GLI2: variants seen among roughly 807,000 people sequenced by gnomAD.
The protein encoded by GLI2 is transcription activator GLI2.
A neutral mutation model predicts 78.9 loss-of-function variants in GLI2; 22 were observed. The observed-to-expected ratio is 0.28, with a 90% CI of 0.20 to 0.40. The LOEUF (loss-of-function observed/expected upper bound fraction) is 0.40. Among genes scored for constraint, GLI2 ranks in the 10% least tolerant of loss-of-function variants. GLI2 has a pLI of 1.00. For missense variants in GLI2, 2,097 were observed against 2,213.2 expected (o/e 0.95, Z 1.05); for synonymous variants, 974 against 963.7 (o/e 1.01, Z -0.20).
At chr2:120,906,637 G>A (rs1008414692) in intron 2 of GLI2, among the ~76,000 whole-genome samples, 13 of 151,814 alleles carry the variant, frequency 8.6e-5, no homozygotes, top group Non-Finnish European at 1.9e-4. Context: ...TGAGCCCCCA[G>A]CTCTGGCCTC....
At chr2:120,782,197 A>C (rs1683869064) in intron 1 of GLI2, among the ~76,000 whole-genome samples, 1 of 152,174 alleles carries the variant, frequency 6.6e-6, no homozygotes. Context: ...TAATGGGTGT[A>C]CTTAACCCTG....
At chr2:120,801,290 C>G (rs1285489894) in intron 2 of GLI2, among the ~76,000 whole-genome samples, 1 of 152,126 alleles carries the variant, frequency 6.6e-6, no homozygotes, top group East Asian at 1.9e-4. Flanking sequence ...AGGTGCCCAC[C>G]ACCATGCCCG....
intron 2 of GLI2, among the ~76,000 whole-genome samples, chr2:120,849,171 G>A (rs542992303): frequency 6.6e-4 from 100 of 152,270 alleles, no homozygotes; most frequent in African/African-American, 2.3e-3. Flanking sequence ...AGCTGTCAGC[G>A]GCTGGGGAAG....
At chr2:120,784,817 G>A (rs980641413) in intron 1 of GLI2, among the ~76,000 whole-genome samples, 2 of 152,136 alleles carry the variant, frequency 1.3e-5, no homozygotes, top group Non-Finnish European at 2.9e-5. Flanking sequence ...TAGCAAGACT[G>A]GTAGCCCCCC....
In GLI2 at chr2:120,950,973, G is replaced by A. The variant is rs115729947; in HGVS notation, c.255-270G>A. ...TGCGTGTGCTCCAGCAAGTCCAGTCGCGGGTGCGAGGTCCATTCTCCAGCG... is the reference window on the plus strand; with the variant it reads ...TGCGTGTGCTCCAGCAAGTCCAGTCACGGGTGCGAGGTCCATTCTCCAGCG... On this transcript the variant is annotated intron_variant, in intron 3 of 13. Coordinates refer to ENST00000361492, the MANE Select transcript of GLI2 (RefSeq NM_001374353.1). Among the ~76,000 whole-genome samples, 1,110 of 152,354 alleles carry A rather than the reference G, an allele frequency of 7.3e-3. 15 individuals carry two copies. Among genetic ancestry groups the A allele is most frequent in the African/African-American group, 0.026 (1,066 of 41,578 alleles).
Position 120,968,902 on chromosome 2 carries a change from G to A in GLI2, c.832G>A (p.Ala278Thr). ...AASGSYGHLS[A>T]GALSPAFTFP... ...CAGCGGTTCCTACGGGCATCTGTCA[G>A]CGGGTGCCCTCAGGTGAGCCCCGCC... is the stretch of plus-strand genomic sequence containing the variant. Residue 278 changes from alanine to threonine, a missense_variant, in exon 6 of 14, where the codon GCG becomes ACG. By Grantham distance (58) the Ala-to-Thr change is moderately conservative. Coordinates refer to ENST00000361492, the MANE Select transcript of GLI2 (RefSeq NM_001374353.1). 6.2e-7 allele frequency: 1 copy of A among 1,611,642 alleles called. No homozygotes were observed. The highest frequency in any genetic ancestry group is 8.5e-7 in the Non-Finnish European group (1 of 1,179,446).
In GLI2 at chr2:120,855,204, G is replaced by A. The variant is rs113091217; in HGVS notation, c.148+57736G>A. The stretch of plus-strand genomic sequence containing the variant: ...GAGGCTACAGGAAGGAGTTTGTGCA[G>A]ACAGCTCCTATGAGAAAATGGTCCC... On this transcript the variant is annotated intron_variant, in intron 2 of 13. Coordinates refer to ENST00000361492, the MANE Select transcript of GLI2 (RefSeq NM_001374353.1). Among the ~76,000 whole-genome samples the A allele has an allele frequency of 3.9e-3, 591 of 152,352 alleles. 8 individuals are homozygous for A. The highest frequency in any genetic ancestry group is 0.013 in the African/African-American group (558 of 41,582).
chr2:120,747,548 C>T (rs1442412671), intron 1 of GLI2, among the ~76,000 whole-genome samples: 1 of 152,172 alleles, frequency 6.6e-6, no homozygotes, highest in Non-Finnish European at 1.5e-5. Flanking sequence ...CTCCAGGGGG[C>T]ATTTGACCTG....
intron 2 of GLI2, among the ~76,000 whole-genome samples, chr2:120,819,875 T>C (rs964540538): frequency 9.2e-5 from 14 of 152,112 alleles, no homozygotes; most frequent in Non-Finnish European, 5.9e-5. Context: ...ATCCTGCTGC[T>C]GGGGGAAGAG....
rs768387647 is a variant in GLI2 at position 120,990,026 on chromosome 2, C to T, written c.4061C>T (p.Pro1354Leu). 1.2e-5 allele frequency: 20 copies of T among 1,606,508 alleles called. No individual in the cohort carries two copies. The highest frequency in any genetic ancestry group is 1.6e-5 in the Non-Finnish European group (19 of 1,176,256). The change falls in exon 14 of 14, where the codon CCC becomes CTC. Residue 1354 changes from proline (P) to leucine (L), a missense_variant. By Grantham distance (98) the Pro-to-Leu change is moderately conservative. Transcript: ENST00000361492. ...VATAGFGLVQ[P>L]RPPLEPSPTG... Reference sequence around the variant, plus strand: ...ACAGCAGGCTTTGGCCTAGTGCAGCCCCGGCCTCCCCTCGAGCCCAGCCCC... The same window carrying T: ...ACAGCAGGCTTTGGCCTAGTGCAGCTCCGGCCTCCCCTCGAGCCCAGCCCC...
In GLI2 at chr2:120,917,764, G is replaced by A. The variant is rs1573596839; in HGVS notation, c.149-9597G>A. On this transcript the variant is annotated intron_variant, in intron 2 of 13. Coordinates refer to ENST00000361492, the MANE Select transcript of GLI2 (RefSeq NM_001374353.1). ...TGCAGCCATGGGATATGTGGCTGAT[G>A]CAGACAAGGAGAGTGGGAGCCCTCC... Among the ~76,000 whole-genome samples, 3 of 152,366 alleles carry A rather than the reference G, an allele frequency of 2.0e-5. No individual in the cohort carries two copies. The South Asian group carries it at 6.2e-4, about 32-fold the overall frequency.
rs1553480343 is a variant in GLI2 at position 120,992,048 on chromosome 2, A to ACACACACACC, written c.*1376_*1377insACACACCCAC. The ACACACACACC allele has an allele frequency of 1.4e-5, 2 of 147,514 alleles. No individual in the cohort carries two copies. The highest frequency in any genetic ancestry group is 3.0e-5 in the Non-Finnish European group (2 of 67,486). 9.1% of individuals were successfully genotyped at this position (147,514 alleles called of 1,614,324 possible). A position where few individuals can be genotyped will look rare whatever the true frequency, so the allele number is the denominator to read the frequency against. ...CACACACACACACACACACACACACACACCCCAAACCTTTTCATGGGGAAT... is the reference window on the plus strand; with the variant it reads ...CACACACACACACACACACACACACACACACACACCCACCCCAAACCTTTTCATGGGGAAT... On this transcript the variant is annotated 3_prime_UTR_variant, in exon 14 of 14. Coordinates refer to ENST00000361492, the MANE Select transcript of GLI2 (RefSeq NM_001374353.1).
At chr2:120,763,948 G>A in intron 1 of GLI2, among the ~76,000 whole-genome samples, 1 of 152,260 alleles carries the variant, frequency 6.6e-6, no homozygotes, top group East Asian at 1.9e-4. Context: ...GCTTTGCGAA[G>A]CCAGTGTGTC....
Position 120,990,774 on chromosome 2 carries a change from T to A in GLI2, c.*99T>A. ...TGTCTTTTTCCAAAAAAGTGTTAAATAGGCTTGAGGGGTTGTTGCGCAATG... is the reference window on the plus strand; with the variant it reads ...TGTCTTTTTCCAAAAAAGTGTTAAAAAGGCTTGAGGGGTTGTTGCGCAATG... On this transcript the variant is annotated 3_prime_UTR_variant, in exon 14 of 14. Coordinates refer to ENST00000361492, the MANE Select transcript of GLI2 (RefSeq NM_001374353.1). 9.7e-7 allele frequency: 1 copy of A among 1,029,940 alleles called. No individual in the cohort carries two copies. Among genetic ancestry groups the A allele is most frequent in the Non-Finnish European group, 1.4e-6 (1 of 703,282 alleles). The allele number at this position is 1,029,940 out of a possible 1,614,324, so 63.8% of individuals were successfully genotyped here.
intron 2 of GLI2, among the ~76,000 whole-genome samples, chr2:120,904,067 C>T (rs1678396971): frequency 6.6e-6 from 1 of 152,082 alleles, no homozygotes; most frequent in South Asian, 2.1e-4. Context: ...CCCCAGCTCA[C>T]CTCATCCCCA....
chr2:120,800,491 A>ATTATTATTTTATT lies in GLI2; in HGVS notation c.148+3025_148+3026insATTATTTTATTTT, dbSNP rs1684649652. Among the ~76,000 whole-genome samples, 1 of 150,642 alleles carries ATTATTATTTTATT rather than the reference A, an allele frequency of 6.6e-6. No homozygotes were observed. Reference sequence around the variant, plus strand: ...GGGATGATTTATTATTATTATTATTATTTTATTTTTTATTTTTATTTATTT... The same window carrying ATTATTATTTTATT: ...GGGATGATTTATTATTATTATTATTATTATTATTTTATTTTTTATTTTTTATTTTTATTTATTT... On this transcript the variant is annotated intron_variant, in intron 2 of 13. Coordinates refer to ENST00000361492, the MANE Select transcript of GLI2 (RefSeq NM_001374353.1). This position sits in a 1 kb window ranked among gnomAD's most constrained non-coding sequence, Gnocchi z 4.1.
chr2:120,902,185 AC>A (rs11358856), intron 2 of GLI2, among the ~76,000 whole-genome samples: 32,219 of 116,860 alleles, frequency 0.28, 1,448 homozygotes, highest in South Asian at 0.41. Flanking sequence ...ATTGACACCC[AC>A]CCCCCCCCAC....
At chr2:120,965,513 C>T (rs1050820273) in intron 5 of GLI2, among the ~76,000 whole-genome samples, 1 of 149,436 alleles carries the variant, frequency 6.7e-6, no homozygotes, top group Non-Finnish European at 1.5e-5. Context: ...ACACTCCAGC[C>T]GGGATGCAGA....
intron 2 of GLI2, among the ~76,000 whole-genome samples, chr2:120,907,820 G>T (rs965179251): frequency 6.6e-6 from 1 of 152,212 alleles, no homozygotes; most frequent in South Asian, 2.1e-4. Flanking sequence ...GGAATATGAA[G>T]TGCCTACAAC....
Sources: allele counts gnomAD v4.1 joint callset (sites outside exome capture counted in the v4.1 genomes callset), GRCh38; gene constraint gnomAD v4.1.1; non-coding constraint Gnocchi (gnomAD v3.1); transcripts MANE v1.5; gene names NCBI Gene and HGNC (gene_info 2026-07-23, HGNC 2026-07-21).